Variants in RPS6KA2 observed in about 807,000 individuals in gnomAD.
The protein encoded by RPS6KA2 is ribosomal protein S6 kinase alpha-2.
In RPS6KA2, 42 loss-of-function variants were observed where a neutral mutation model predicts 91.8. That is an observed-to-expected ratio of 0.46 (90% confidence interval 0.36 to 0.59). The LOEUF is 0.59. RPS6KA2 is among the 20% of genes least tolerant of loss of function. The pLI, the probability that RPS6KA2 is intolerant of heterozygous loss-of-function variation, is 0.00. For synonymous variants in RPS6KA2, 414 were observed against 393.6 expected (o/e 1.05, Z -0.61); for missense variants, 798 against 978.5 (o/e 0.82, Z 2.46).
chr6:166,604,709 G>A lies in RPS6KA2; in HGVS notation c.99+22212C>T, dbSNP rs138327488. 4.6e-3 allele frequency among the ~76,000 whole-genome samples: 704 copies of A among 152,316 alleles called. 1 individual carries two copies. Among genetic ancestry groups the A allele is most frequent in the Non-Finnish European group, 7.4e-3 (503 of 68,030 alleles). On this transcript the variant is annotated intron_variant, in intron 1 of 20. Coordinates refer to ENST00000265678, the MANE Select transcript of RPS6KA2 (RefSeq NM_021135.6). ...CCTGATGTCTGGAGCAGCAAACTGT[G>A]ATCAAACACTCATATTTCCACAGCA...
rs902981581 is a variant in RPS6KA2, at chr6:166,434,425, T to C, written c.1333-1935A>G. 1.5e-4 allele frequency among the ~76,000 whole-genome samples: 23 copies of C among 152,128 alleles called. No individual in the cohort carries two copies. Among genetic ancestry groups the C allele is most frequent in the African/African-American group, 5.3e-4 (22 of 41,418 alleles). ...TGCATCATTCTCAAGTAGAGACTTT[T>C]AAAACGATCATTCAAGGAGGGGTGG... is the stretch of plus-strand genomic sequence containing the variant. On this transcript the variant is annotated intron_variant, in intron 14 of 20. Transcript: ENST00000265678. The surrounding 1 kb of genome is among the most constrained non-coding windows in gnomAD (Gnocchi z 4.4).
intron 1 of RPS6KA2, among the ~76,000 whole-genome samples, chr6:166,550,818 C>A (rs374207489): frequency 9.2e-5 from 14 of 151,900 alleles, no homozygotes; most frequent in East Asian, 3.9e-4. Context: ...CTGGCTAACA[C>A]GGTGAAACCC....
chr6:166,768,882 G>T (rs1778391280), intron 2 of RPS6KA2, among the ~76,000 whole-genome samples: 1 of 152,186 alleles, frequency 6.6e-6, no homozygotes, highest in African/African-American at 2.4e-5. Context: ...GATTTTGCTG[G>T]CCCTCAGCCC....
At chr6:166,480,424 G>A (rs1455198921) in intron 10 of RPS6KA2, among the ~76,000 whole-genome samples, 3 of 144,040 alleles carry the variant, frequency 2.1e-5, no homozygotes, top group African/African-American at 7.9e-5. Context: ...TTCAACCCTC[G>A]CTAGATGTTT....
chr6:166,412,758 C>G lies in RPS6KA2; in HGVS notation c.*4G>C. 2 of 1,593,336 alleles carry G rather than the reference C, an allele frequency of 1.3e-6. No individual in the cohort carries two copies. The highest frequency in any genetic ancestry group is 1.7e-6 in the Non-Finnish European group (2 of 1,172,130). ...AGGGGACGCTGGGGCCAGGGTCCCA[C>G]CCGCTACAGCCGCGTGGACGTGAGT... On this transcript the variant is annotated 3_prime_UTR_variant, in exon 21 of 21. Transcript: ENST00000265678. This position sits in a 1 kb window ranked among gnomAD's most constrained non-coding sequence, Gnocchi z 4.3.
In RPS6KA2 at chr6:166,726,793, A is replaced by C. The variant is rs1320432373; in HGVS notation, c.123+131407T>G. ...CTGAACACGGCAACAACTCTAGGTG[A>C]GGAGTGTTTGGCAGATGAAACCCCT... On this transcript the variant is annotated intron_variant, in intron 2 of 21. Transcript: ENST00000503859. The surrounding 1 kb of genome is among the most constrained non-coding windows in gnomAD (Gnocchi z 4.4). Among the ~76,000 whole-genome samples the C allele has an allele frequency of 2.0e-5, 3 of 152,214 alleles. No individual in the cohort carries two copies. The highest frequency in any genetic ancestry group is 6.5e-5 in the Admixed American group (1 of 15,292).
At position 166,770,799 on chromosome 6, in the gene RPS6KA2, C is replaced by T; in HGVS notation, c.123+87401G>A. ...AAATTGAAAAAGACTTCATGTTTAA[C>T]TTAAAAAAAAAATGTAACTCACATA... On this transcript the variant is annotated intron_variant, in intron 2 of 21. Coordinates refer to the RPS6KA2 transcript ENST00000503859. The surrounding 1 kb of genome is among the most constrained non-coding windows in gnomAD (Gnocchi z 5.1). The T allele has an allele frequency of 6.8e-7, 1 of 1,460,398 alleles. No homozygotes were observed. The highest frequency in any genetic ancestry group is 9.2e-7 in the Non-Finnish European group (1 of 1,082,918). 90.5% of individuals were successfully genotyped at this position (1,460,398 alleles called of 1,614,324 possible).
intron 3 of RPS6KA2, among the ~76,000 whole-genome samples, chr6:166,516,358 G>A (rs1337527442): frequency 6.6e-6 from 1 of 152,154 alleles, no homozygotes; most frequent in Admixed American, 6.5e-5. Context: ...TTCTCTCAAA[G>A]TAAAAGCAAA....
Position 166,459,595 on chromosome 6 carries a change from G to T in RPS6KA2, c.973-44C>A. ...CAAGACAGGGCACTGAGGATGCACA[G>T]ACATTGCCACAGAACACTGGGGACA... On this transcript the variant is annotated intron_variant, in intron 11 of 20. Coordinates refer to ENST00000265678, the MANE Select transcript of RPS6KA2 (RefSeq NM_021135.6). The surrounding 1 kb of genome is among the most constrained non-coding windows in gnomAD (Gnocchi z 4.9). 1 of 1,419,120 alleles carries T rather than the reference G, an allele frequency of 7.0e-7. No homozygotes were observed. Among genetic ancestry groups the T allele is most frequent in the Non-Finnish European group, 9.9e-7 (1 of 1,007,848 alleles). The allele number at this position is 1,419,120 out of a possible 1,614,324, so 87.9% of individuals were successfully genotyped here. A position where few individuals can be genotyped will look rare whatever the true frequency, so the allele number is the denominator to read the frequency against.
intron 10 of RPS6KA2, among the ~76,000 whole-genome samples, chr6:166,478,059 CA>C (rs1781044106): frequency 6.6e-6 from 1 of 152,140 alleles, no homozygotes; most frequent in Non-Finnish European, 1.5e-5. Context: ...TTCGCATTTC[CA>C]GGGGGAGGCC....
intron 2 of RPS6KA2, among the ~76,000 whole-genome samples, chr6:166,847,152 C>A (rs1222486522): frequency 1.3e-5 from 2 of 151,984 alleles, no homozygotes; most frequent in South Asian, 4.2e-4. Context: ...AAGAACTCAA[C>A]CCCTTTTACA....
intron 1 of RPS6KA2, among the ~76,000 whole-genome samples, chr6:166,559,266 A>C (rs1784268462): frequency 6.6e-6 from 1 of 152,208 alleles, no homozygotes; most frequent in Non-Finnish European, 1.5e-5. Context: ...GATTCAGTAG[A>C]GGAAAAGAGT....
intron 1 of RPS6KA2, chr6:166,542,560 A>G (rs1783694597): frequency 6.6e-6 from 1 of 152,226 alleles, no homozygotes; most frequent in Non-Finnish European, 1.5e-5. Context: ...AAGAAAAACT[A>G]GAGGTATAAA....
chr6:166,432,409 G>A lies in RPS6KA2; in HGVS notation c.1414C>T (p.Leu472Phe), dbSNP rs371987754. The A allele has an allele frequency of 2.5e-6, 4 of 1,608,922 alleles. No homozygotes were observed. Among genetic ancestry groups the A allele is most frequent in the Non-Finnish European group, 3.4e-6 (4 of 1,175,496 alleles). Residue 472 changes from leucine (L) to phenylalanine (F), a missense_variant, in exon 15 of 21, where the codon CTC (leucine) becomes TTC (phenylalanine). Transcript: ENST00000265678. ...RYGQHPNIIT[L>F]KDVYDDGKFV... ...GCACGGGGACCACTCACATCCTTGA[G>A]GGTGATGATGTTCGGGTGCTGGCCG...
In RPS6KA2 at chr6:166,849,540, G is replaced by T. The variant is rs540972726; in HGVS notation, c.123+8660C>A. 6.6e-6 allele frequency among the ~76,000 whole-genome samples: 1 copy of T among 152,284 alleles called. No individual in the cohort carries two copies. The highest frequency in any genetic ancestry group is 2.1e-4 in the South Asian group (1 of 4,826). Reference sequence around the variant, plus strand: ...GGCGGATCAGCTTGAGTCACCACGCGTGTAGCTGACAGTGGAGGACCCCAG... The same window carrying T: ...GGCGGATCAGCTTGAGTCACCACGCTTGTAGCTGACAGTGGAGGACCCCAG... On this transcript the variant is annotated intron_variant, in intron 2 of 21. Transcript: ENST00000503859. The surrounding 1 kb of genome is among the most constrained non-coding windows in gnomAD (Gnocchi z 4.9).
chr6:166,573,310 C>T (rs1000277212), intron 1 of RPS6KA2, among the ~76,000 whole-genome samples: 3 of 152,218 alleles, frequency 2.0e-5, no homozygotes, highest in African/African-American at 4.8e-5. Flanking sequence ...CATTCAGGGA[C>T]GGGCAGCACC....
At chr6:166,517,455 GTTTTTTTTTTTTTTT>G (rs71032809) in intron 3 of RPS6KA2, among the ~76,000 whole-genome samples, 3 of 104,970 alleles carry the variant, frequency 2.9e-5, no homozygotes, top group African/African-American at 8.9e-5. Context: ...CTTTTGTTTT[GTTTTTTTTTTTTTTT>G]TTTTTTTTTT....
intron 10 of RPS6KA2, among the ~76,000 whole-genome samples, chr6:166,472,300 A>G (rs970913326): frequency 2.0e-5 from 3 of 152,160 alleles, no homozygotes; most frequent in Non-Finnish European, 4.4e-5. Flanking sequence ...CTTGTTCATC[A>G]TTTGCAAATA....
chr6:166,714,726 G>A (rs1230970987), intron 2 of RPS6KA2, among the ~76,000 whole-genome samples: 1 of 152,258 alleles, frequency 6.6e-6, no homozygotes, highest in East Asian at 1.9e-4. Flanking sequence ...CGCCTCAGCA[G>A]GAGCCCACTC....
Sources: allele counts gnomAD v4.1 joint callset (sites outside exome capture counted in the v4.1 genomes callset), GRCh38; gene constraint gnomAD v4.1.1; non-coding constraint Gnocchi (gnomAD v3.1); transcripts MANE v1.5; gene names NCBI Gene and HGNC (gene_info 2026-07-23, HGNC 2026-07-21).